Variants in GNAQ observed in about 807,000 individuals in gnomAD.
GNAQ encodes the protein guanine nucleotide-binding protein G(q) subunit alpha.
A neutral mutation model predicts 43.9 loss-of-function variants in GNAQ; 8 were observed. That is an observed-to-expected ratio of 0.18 (90% CI 0.11 to 0.33). The LOEUF (loss-of-function observed/expected upper bound fraction) is 0.33, where lower values mean the gene tolerates loss of function less well. Among genes scored for constraint, GNAQ ranks in the 10% least tolerant of loss-of-function variants. The pLI is 1.00. For missense variants in GNAQ, 158 were observed against 450.8 expected, an observed-to-expected ratio of 0.35 and a Z score of 5.88; for synonymous variants, 155 against 170.7, an observed-to-expected ratio of 0.91 and a Z score of 0.71.
At chr9:77,796,142 T>C (rs1028495382) in intron 4 of GNAQ, among the ~76,000 whole-genome samples, 1 of 152,170 alleles carries the variant, frequency 6.6e-6, no homozygotes, top group African/African-American at 2.4e-5. Context: ...AATACAACCA[T>C]TTTATAGATT....
intron 5 of GNAQ, among the ~76,000 whole-genome samples, chr9:77,783,976 T>A (rs1395112349): frequency 6.6e-6 from 1 of 152,026 alleles, no homozygotes; most frequent in African/African-American, 2.4e-5. Context: ...ACACACATAA[T>A]AATGAAGCCT....
intron 1 of GNAQ, among the ~76,000 whole-genome samples, chr9:77,995,045 A>C (rs1467638759): frequency 6.6e-6 from 1 of 152,228 alleles, no homozygotes; most frequent in Non-Finnish European, 1.5e-5. Flanking sequence ...TATGTGTGCT[A>C]TAGCAGCTCA....
At chr9:77,898,610 T>C (rs1220371514) in intron 2 of GNAQ, among the ~76,000 whole-genome samples, 1 of 128,292 alleles carries the variant, frequency 7.8e-6, no homozygotes, top group Non-Finnish European at 1.8e-5. Context: ...GATTGATGAA[T>C]GAATGAATAA....
rs148552494 is a variant in GNAQ, at chr9:77,923,212, C to T, written c.137-867G>A. Among the ~76,000 whole-genome samples the T allele has an allele frequency of 3.3e-5, 5 of 152,172 alleles. No homozygotes were observed. In the East Asian group the frequency reaches 9.7e-4, roughly 29 times the overall value. ...TCATTTTTCTAGATAACACATATCC[C>T]CTGAATTTATTTCTGGTGGGAGGTT... On this transcript the variant is annotated intron_variant, in intron 1 of 6. Coordinates refer to ENST00000286548, the MANE Select transcript of GNAQ (RefSeq NM_002072.5).
chr9:77,840,836 G>A (rs933518335), intron 2 of GNAQ, among the ~76,000 whole-genome samples: 3 of 152,158 alleles, frequency 2.0e-5, no homozygotes, highest in Admixed American at 6.5e-5. Flanking sequence ...AGTTCGTGGG[G>A]CAGTTCCTTT....
intron 1 of GNAQ, among the ~76,000 whole-genome samples, chr9:78,002,614 T>C (rs894145633): frequency 5.3e-5 from 8 of 152,214 alleles, no homozygotes; most frequent in African/African-American, 9.6e-5. Context: ...CTCTGTGATA[T>C]TCCCTAACCA....
chr9:77,872,014 C>T (rs1168958456), intron 2 of GNAQ, among the ~76,000 whole-genome samples: 1 of 152,196 alleles, frequency 6.6e-6, no homozygotes, highest in African/African-American at 2.4e-5. Flanking sequence ...TAATAAGATA[C>T]ATGTTTTAGC....
chr9:77,894,527 A>T (rs1828468776), intron 2 of GNAQ, among the ~76,000 whole-genome samples: 1 of 150,192 alleles, frequency 6.7e-6, no homozygotes, highest in African/African-American at 2.5e-5. Context: ...GGTTCAAGCA[A>T]TTCTCCTGCC....
At chr9:77,763,001 C>T (rs1246403162) in intron 5 of GNAQ, among the ~76,000 whole-genome samples, 9 of 151,940 alleles carry the variant, frequency 5.9e-5, no homozygotes, top group Non-Finnish European at 1.0e-4. Context: ...AACCAGAGAC[C>T]TTTGTTCACT....
intron 5 of GNAQ, among the ~76,000 whole-genome samples, chr9:77,747,442 G>T (rs1825748255): frequency 6.6e-6 from 1 of 152,102 alleles, no homozygotes; most frequent in Non-Finnish European, 1.5e-5. Context: ...TCAGTAAAAA[G>T]TAAGACTGGG....
chr9:77,909,906 A>C (rs1587403208), intron 2 of GNAQ, among the ~76,000 whole-genome samples: 1 of 152,234 alleles, frequency 6.6e-6, no homozygotes, highest in African/African-American at 2.4e-5. Flanking sequence ...TATAACATGA[A>C]ATGACACAAA....
chr9:77,753,093 AAAAAAAAAAAAAAG>A, intron 5 of GNAQ, among the ~76,000 whole-genome samples: 1 of 151,510 alleles, frequency 6.6e-6, no homozygotes, highest in East Asian at 1.9e-4. Context: ...TCTCAAAAAA[AAAAAAAAAAAAAAG>A]AAAAAGGAAA....
At position 78,017,537 on chromosome 9, in the gene GNAQ, CATACATCA is replaced by C. The variant is rs1324222220; in HGVS notation, c.136+13555_136+13562del. On this transcript the variant is annotated intron_variant, in intron 1 of 6. Transcript: ENST00000286548. The stretch of plus-strand genomic sequence containing the variant: ...ACCTTCATTTTGAAAGAAAAAGAAC[CATACATCA>C]GAGATGTATAACACACTACATTCAA... Among the ~76,000 whole-genome samples the C allele has an allele frequency of 4.6e-5, 7 of 152,260 alleles. No individual in the cohort carries two copies. The South Asian group carries it at 1.5e-3, about 32-fold the overall frequency.
intron 5 of GNAQ, among the ~76,000 whole-genome samples, chr9:77,765,523 G>A (rs936697520): frequency 2.6e-5 from 4 of 152,140 alleles, no homozygotes; most frequent in Non-Finnish European, 4.4e-5. Context: ...AAAGCCGTTC[G>A]ACAAAACTAA....
At chr9:77,784,221 G>A (rs1243769817) in intron 5 of GNAQ, among the ~76,000 whole-genome samples, 1 of 151,576 alleles carries the variant, frequency 6.6e-6, no homozygotes, top group Non-Finnish European at 1.5e-5. Flanking sequence ...ATACTTTTAT[G>A]ACACTAGATT....
In GNAQ at chr9:77,922,211, T is replaced by G; in HGVS notation, c.271A>C (p.Ile91Leu). 1 of 1,613,844 alleles carries G rather than the reference T, an allele frequency of 6.2e-7. No individual in the cohort carries two copies. The highest frequency in any genetic ancestry group is 8.5e-7 in the Non-Finnish European group (1 of 1,179,732). ...QNIFTAMQAM[I>L]RAMDTLKIPY... ...ATCTTGAGTGTGTCCATGGCTCTGATCATGGCCTGCATGGCCGTGAAGATG... is the reference window on the plus strand; with the variant it reads ...ATCTTGAGTGTGTCCATGGCTCTGAGCATGGCCTGCATGGCCGTGAAGATG... The change falls in exon 2 of 7, where the codon ATC becomes CTC. Residue 91 changes from isoleucine to leucine, a missense_variant. Around this residue, in one of 9 missense-constraint regions of GNAQ, gnomAD observed 57 missense variants for 78.2 expected, o/e 0.73. Coordinates refer to ENST00000286548, the MANE Select transcript of GNAQ (RefSeq NM_002072.5).
chr9:77,940,694 G>A (rs143265124), intron 1 of GNAQ, among the ~76,000 whole-genome samples: 62 of 152,266 alleles, frequency 4.1e-4, no homozygotes, highest in Middle Eastern at 3.4e-3. Flanking sequence ...TCGGCTGCGC[G>A]CGGTGGCTCA....
At chr9:77,933,765 A>G (rs529324077) in intron 1 of GNAQ, among the ~76,000 whole-genome samples, 1 of 152,340 alleles carries the variant, frequency 6.6e-6, no homozygotes, top group Non-Finnish European at 1.5e-5. Flanking sequence ...ACAGATTTTA[A>G]GCAGCGAGGA....
At chr9:77,938,332 C>CTATG (rs1829262979) in intron 1 of GNAQ, among the ~76,000 whole-genome samples, 2 of 152,238 alleles carry the variant, frequency 1.3e-5, no homozygotes, top group South Asian at 4.2e-4. Context: ...TGTTCTTTCT[C>CTATG]TATGTAACAC....
Sources: gnomAD v4.1 joint callset for allele counts (sites outside exome capture counted in the v4.1 genomes callset) on GRCh38, gnomAD v4.1.1 for gene constraint, gnomAD v4.1.1 regional missense constraint, MANE v1.5 for transcripts, NCBI Gene and HGNC (gene_info 2026-07-23, HGNC 2026-07-21) for gene names.